L3MBTL4: variants seen among roughly 807,000 people sequenced by gnomAD.
The protein encoded by L3MBTL4 is lethal(3)malignant brain tumor-like protein 4.
L3MBTL4 carries 70 observed loss-of-function variants against 84.5 expected under a neutral mutation model. The ratio of observed to expected loss-of-function variants is 0.83; its 90% CI spans 0.68 to 1.01. The LOEUF (loss-of-function observed/expected upper bound fraction) is 1.01, where lower values mean the gene tolerates loss of function less well. L3MBTL4 is among the 50% of genes least tolerant of loss of function. L3MBTL4 has a pLI of 0.00. For synonymous variants in L3MBTL4, 274 were observed against 259.8 expected, an observed-to-expected ratio of 1.05 and a Z score of -0.52; for missense variants, 715 against 754.8, an observed-to-expected ratio of 0.95 and a Z score of 0.62.
At position 6,031,164 on chromosome 18, in the gene L3MBTL4, T is replaced by G. The variant is rs757044750; in HGVS notation, c.1444+49717A>C. 8 of 985,316 alleles carry G rather than the reference T, an allele frequency of 8.1e-6. No individual in the cohort carries two copies. In the Admixed American group the frequency reaches 2.5e-4, roughly 30 times the overall value. 61.0% of individuals were successfully genotyped at this position (985,316 alleles called of 1,614,324 possible). On this transcript the variant is annotated intron_variant, in intron 16 of 18. Coordinates refer to ENST00000317931, the MANE Select transcript of L3MBTL4 (RefSeq NM_001330559.2). ...ACCCAGCTCTTGTCCTGATTTATGC[T>G]CCTCTCCCTCCTCCCCCGTGGGAGT...
chr18:6,262,904 T>C (rs1036968059), intron 5 of L3MBTL4, among the ~76,000 whole-genome samples: 3 of 152,180 alleles, frequency 2.0e-5, no homozygotes, highest in African/African-American at 7.2e-5. Context: ...CCCTTTCACA[T>C]GCTAACATGA....
chr18:5,961,237 G>A (rs1403425620), intron 17 of L3MBTL4, among the ~76,000 whole-genome samples: 9 of 152,242 alleles, frequency 5.9e-5, no homozygotes, highest in African/African-American at 2.2e-4. Flanking sequence ...CCCTCAGAGA[G>A]CTCTGTGAGC....
chr18:6,038,046 A>G (rs964235027), intron 16 of L3MBTL4, among the ~76,000 whole-genome samples: 2 of 152,160 alleles, frequency 1.3e-5, no homozygotes, highest in Non-Finnish European at 2.9e-5. Flanking sequence ...ACAGGTTAAG[A>G]TAAGTGGATA....
At chr18:6,011,412 C>A (rs2054731582) in intron 16 of L3MBTL4, among the ~76,000 whole-genome samples, 1 of 152,118 alleles carries the variant, frequency 6.6e-6, no homozygotes, top group Non-Finnish European at 1.5e-5. Flanking sequence ...TACACAGATA[C>A]CTGACATAGA....
At chr18:6,028,214 G>A (rs1403927918) in intron 16 of L3MBTL4, among the ~76,000 whole-genome samples, 1 of 152,124 alleles carries the variant, frequency 6.6e-6, no homozygotes, top group African/African-American at 2.4e-5. Flanking sequence ...GTTAATTTTT[G>A]TATAAGGTGT....
intron 16 of L3MBTL4, among the ~76,000 whole-genome samples, chr18:6,024,438 T>A (rs2055412502): frequency 6.6e-6 from 1 of 152,202 alleles, no homozygotes; most frequent in African/African-American, 2.4e-5. Context: ...TACACTTACA[T>A]AAATAGCTTT....
Position 5,997,147 on chromosome 18 carries a change from T to G in L3MBTL4, c.1445-27585A>C, listed in dbSNP as rs540046402. The stretch of plus-strand genomic sequence containing the variant: ...ATATAATAACTGTGTACTTTGCATT[T>G]ACGCTGTGTTAGGTATAAGTAATCT... On this transcript the variant is annotated intron_variant, in intron 16 of 18. Coordinates refer to ENST00000317931, the MANE Select transcript of L3MBTL4 (RefSeq NM_001330559.2). 4.0e-5 allele frequency among the ~76,000 whole-genome samples: 6 copies of G among 150,874 alleles called. No homozygotes were observed. In the South Asian group the frequency reaches 1.2e-3, roughly 31 times the overall value.
At chr18:6,169,516 C>T (rs1160028390) in intron 13 of L3MBTL4, among the ~76,000 whole-genome samples, 2 of 152,120 alleles carry the variant, frequency 1.3e-5, no homozygotes, top group Non-Finnish European at 2.9e-5. Flanking sequence ...ACGATGAGTT[C>T]ATGTCCTTTG....
At chr18:6,294,930 T>C (rs1218125697) in intron 4 of L3MBTL4, among the ~76,000 whole-genome samples, 1 of 152,174 alleles carries the variant, frequency 6.6e-6, no homozygotes, top group Non-Finnish European at 1.5e-5. Flanking sequence ...CGGTGTTTGC[T>C]TTCATATATT....
intron 16 of L3MBTL4, among the ~76,000 whole-genome samples, chr18:6,018,047 G>A (rs1403272161): frequency 6.6e-6 from 1 of 152,184 alleles, no homozygotes; most frequent in African/African-American, 2.4e-5. Context: ...AGATGCTCCA[G>A]GGTTTTTCTT....
chr18:6,163,388 A>G (rs1403379273), intron 13 of L3MBTL4, among the ~76,000 whole-genome samples: 1 of 151,812 alleles, frequency 6.6e-6, no homozygotes, highest in Admixed American at 6.6e-5. Flanking sequence ...CTTAAAGTAT[A>G]GGTATTTCAA....
chr18:6,351,741 C>T (rs1047013530), intron 1 of L3MBTL4, among the ~76,000 whole-genome samples: 5 of 151,836 alleles, frequency 3.3e-5, no homozygotes, highest in African/African-American at 9.7e-5. Flanking sequence ...TTAGTAGAGA[C>T]GGGGTTTCAC....
intron 17 of L3MBTL4, among the ~76,000 whole-genome samples, chr18:5,966,220 C>T (rs1186099690): frequency 6.6e-6 from 1 of 152,220 alleles, no homozygotes; most frequent in Non-Finnish European, 1.5e-5. Flanking sequence ...CTCCCATTTT[C>T]TAGTCACTGC....
At chr18:6,145,488 A>T (rs964333102) in intron 13 of L3MBTL4, among the ~76,000 whole-genome samples, 2 of 152,194 alleles carry the variant, frequency 1.3e-5, no homozygotes, top group East Asian at 3.9e-4. Flanking sequence ...AGCATCAAAA[A>T]AAAAGAAGAA....
intron 14 of L3MBTL4, among the ~76,000 whole-genome samples, chr18:6,101,508 C>T (rs1479561188): frequency 1.3e-5 from 2 of 152,172 alleles, no homozygotes; most frequent in African/African-American, 4.8e-5. Flanking sequence ...AAATGAAGAA[C>T]TTGTTCTACT....
intron 14 of L3MBTL4, among the ~76,000 whole-genome samples, chr18:6,110,601 TGGCATGGG>T (rs1409571279): frequency 8.7e-6 from 1 of 114,688 alleles, no homozygotes; most frequent in African/African-American, 3.3e-5. Context: ...GTTGTATGTG[TGGCATGGG>T]GGGGTGGGTG....
At chr18:6,127,581 T>A (rs2059735529) in intron 14 of L3MBTL4, among the ~76,000 whole-genome samples, 1 of 152,210 alleles carries the variant, frequency 6.6e-6, no homozygotes, top group Non-Finnish European at 1.5e-5. Context: ...TGCGAATAAA[T>A]CCTTTCTCTC....
rs746874664 is a variant in L3MBTL4 at position 6,171,870 on chromosome 18, C to A, written c.1054G>T (p.Gly352Ter). 6.4e-7 allele frequency: 1 copy of A among 1,554,332 alleles called. No homozygotes were observed. Among genetic ancestry groups the A allele is most frequent in the East Asian group, 2.4e-5 (1 of 41,578 alleles). Residue 352 changes from glycine to a stop codon, truncating the protein, a stop_gained, in exon 13 of 19, where the codon GGA (glycine) becomes TGA (stop). Transcript: ENST00000317931. LOFTEE classifies it high-confidence loss of function. ...EADSPDIHPI[G>*]WCDVTGHPLE... is the part of the protein sequence containing the mutation. ...GGATGCCCTGTGACATCACACCATC[C>A]GATCGGGTGGATATCAGGGCTGTCT...
At chr18:6,222,310 C>A (rs1230300615) in intron 10 of L3MBTL4, among the ~76,000 whole-genome samples, 1 of 152,178 alleles carries the variant, frequency 6.6e-6, no homozygotes, top group Non-Finnish European at 1.5e-5. Context: ...ATCAGCACCT[C>A]AGGAGCTTGT....
Sources: gnomAD v4.1 joint callset for allele counts (sites outside exome capture counted in the v4.1 genomes callset) on GRCh38, gnomAD v4.1.1 for gene constraint, MANE v1.5 for transcripts, NCBI Gene and HGNC (gene_info 2026-07-23, HGNC 2026-07-21) for gene names.